Variants in TRPM3 observed in about 807,000 individuals in gnomAD.
TRPM3 encodes long transient receptor potential channel 3.
A neutral mutation model predicts 181.2 loss-of-function variants in TRPM3; 77 were observed. The ratio of observed to expected loss-of-function variants is 0.42; its 90% CI spans 0.35 to 0.51. TRPM3 has a LOEUF of 0.51. TRPM3 is among the 20% of genes least tolerant of loss of function. TRPM3 has a pLI of 0.01. For synonymous variants in TRPM3, 745 were observed against 796.4 expected (o/e 0.94, Z 1.09); for missense variants, 1,759 against 2,196.7 (o/e 0.80, Z 3.98).
intron 9 of TRPM3, among the ~76,000 whole-genome samples, chr9:70,669,737 T>C (rs1243422896): frequency 7.1e-6 from 1 of 141,718 alleles, no homozygotes; most frequent in Non-Finnish European, 1.5e-5. Context: ...TTTCTTTCTT[T>C]CTTTCTTTTC....
intron 1 of TRPM3, among the ~76,000 whole-genome samples, chr9:71,288,294 G>T (rs2085473015): frequency 6.6e-6 from 1 of 151,758 alleles, no homozygotes; most frequent in African/African-American, 2.4e-5. Flanking sequence ...TACGATAAAC[G>T]CTATTTTCTG....
chr9:70,535,273 C>T lies in TRPM3; in HGVS notation c.*680G>A, dbSNP rs1165602355. Reference sequence around the variant, plus strand: ...AAAGGCATTTCTGTTCCCTTATTTTCTTCAAAAAAGGATAAACAGTTGTGG... The same window carrying T: ...AAAGGCATTTCTGTTCCCTTATTTTTTTCAAAAAAGGATAAACAGTTGTGG... On this transcript the variant is annotated 3_prime_UTR_variant, in exon 26 of 26. Coordinates refer to ENST00000677713, the MANE Select transcript of TRPM3 (RefSeq NM_001366145.2). The T allele has an allele frequency of 1.2e-6, 1 of 801,714 alleles. No homozygotes were observed. Among genetic ancestry groups the T allele is most frequent in the Non-Finnish European group, 1.9e-6 (1 of 521,782 alleles). 49.7% of individuals were successfully genotyped at this position (801,714 alleles called of 1,614,324 possible). A position where few individuals can be genotyped will look rare whatever the true frequency, so the allele number is the denominator to read the frequency against.
intron 1 of TRPM3, among the ~76,000 whole-genome samples, chr9:71,311,468 G>T (rs1460615033): frequency 6.6e-6 from 1 of 152,120 alleles, no homozygotes; most frequent in African/African-American, 2.4e-5. Flanking sequence ...CATCAATATA[G>T]TCAGCTGATC....
chr9:71,010,975 G>T (rs2097732294), intron 1 of TRPM3, among the ~76,000 whole-genome samples: 1 of 150,458 alleles, frequency 6.6e-6, no homozygotes, highest in East Asian at 1.9e-4. Context: ...ATAGTATTCA[G>T]CCATAAAACA....
At chr9:71,043,375 AG>A (rs2059050189) in intron 1 of TRPM3, among the ~76,000 whole-genome samples, 1 of 152,180 alleles carries the variant, frequency 6.6e-6, no homozygotes, top group Non-Finnish European at 1.5e-5. Context: ...GCTATATTTA[AG>A]AAGTCTCAGC....
chr9:70,858,032 GTAATAATGATTATGATTCTCTT>G (rs2095430810), intron 3 of TRPM3, among the ~76,000 whole-genome samples: 1 of 152,124 alleles, frequency 6.6e-6, no homozygotes, highest in Admixed American at 6.5e-5. Context: ...CTGCAACATT[GTAATAATGATTATGATTCTCTT>G]TTTCTCCAAC....
intron 1 of TRPM3, among the ~76,000 whole-genome samples, chr9:70,985,896 G>A (rs543962464): frequency 6.6e-6 from 1 of 152,300 alleles, no homozygotes; most frequent in South Asian, 2.1e-4. Context: ...AGGATGGAGG[G>A]AGAATATTTA....
intron 3 of TRPM3, among the ~76,000 whole-genome samples, chr9:70,854,060 C>T (rs2095318228): frequency 6.6e-6 from 1 of 152,204 alleles, no homozygotes; most frequent in African/African-American, 2.4e-5. Flanking sequence ...GCTCCACGCT[C>T]ATAAATGGAC....
intron 1 of TRPM3, among the ~76,000 whole-genome samples, chr9:71,120,217 A>G (rs1214342416): frequency 6.6e-6 from 1 of 152,340 alleles, no homozygotes; most frequent in African/African-American, 2.4e-5. Context: ...TCAAAAGAGC[A>G]TACATACTCA....
intron 22 of TRPM3, among the ~76,000 whole-genome samples, chr9:70,563,849 A>C (rs1292507777): frequency 6.6e-6 from 1 of 152,008 alleles, no homozygotes; most frequent in Non-Finnish European, 1.5e-5. Flanking sequence ...TTACAAAACC[A>C]CTTCTGGTTT....
At chr9:70,957,885 AAAAC>A (rs544753950) in intron 1 of TRPM3, among the ~76,000 whole-genome samples, 3 of 152,200 alleles carry the variant, frequency 2.0e-5, no homozygotes, top group Non-Finnish European at 2.9e-5. Flanking sequence ...GATGTTATGT[AAAAC>A]AAACAAACAA....
chr9:70,648,910 G>A (rs113112658), intron 9 of TRPM3, among the ~76,000 whole-genome samples: 8 of 152,126 alleles, frequency 5.3e-5, no homozygotes, highest in Middle Eastern at 3.4e-3. Context: ...AACCTAGGAC[G>A]TATAATTCTG....
chr9:71,199,174 T>C (rs1188590250), intron 1 of TRPM3, among the ~76,000 whole-genome samples: 11 of 151,520 alleles, frequency 7.3e-5, no homozygotes, highest in Admixed American at 5.9e-4. Flanking sequence ...CTGGATTACA[T>C]TTATTGATTT....
At chr9:71,255,198 T>TA (rs1346724432) in intron 1 of TRPM3, among the ~76,000 whole-genome samples, 1 of 152,220 alleles carries the variant, frequency 6.6e-6, no homozygotes, top group Non-Finnish European at 1.5e-5. Flanking sequence ...CCAAACTCTC[T>TA]AAACCATCTA....
chr9:71,201,408 T>G (rs2078785336), intron 1 of TRPM3, among the ~76,000 whole-genome samples: 1 of 152,204 alleles, frequency 6.6e-6, no homozygotes. Context: ...TTCCTGAATC[T>G]GAATGTTGGC....
In TRPM3 at chr9:70,534,785, A is replaced by G. The variant is rs2041382708; in HGVS notation, c.*1168T>C. On this transcript the variant is annotated 3_prime_UTR_variant, in exon 26 of 26. Transcript: ENST00000677713. ...CCAGCCCTTGAAAAACTCCAATTAA[A>G]TTTATGCTGAGCTCAGATTAGATGG... is the stretch of plus-strand genomic sequence containing the variant. 1 of 152,230 alleles carries G rather than the reference A, an allele frequency of 6.6e-6. No homozygotes were observed. The highest frequency in any genetic ancestry group is 1.5e-5 in the Non-Finnish European group (1 of 68,052). The allele number at this position is 152,230 out of a possible 1,614,324, so 9.4% of individuals were successfully genotyped here.
chr9:70,853,396 C>G (rs1329254991), intron 3 of TRPM3, among the ~76,000 whole-genome samples: 1 of 152,164 alleles, frequency 6.6e-6, no homozygotes, highest in Non-Finnish European at 1.5e-5. Flanking sequence ...GGGCTTGGGC[C>G]TCTGCATTTC....
At chr9:70,656,067 C>A (rs926925122) in intron 9 of TRPM3, among the ~76,000 whole-genome samples, 1 of 152,090 alleles carries the variant, frequency 6.6e-6, no homozygotes, top group African/African-American at 2.4e-5. Flanking sequence ...GTCAAGTTTA[C>A]GTAACTTAAG....
At chr9:71,243,784 G>A (rs1303417217) in intron 1 of TRPM3, among the ~76,000 whole-genome samples, 2 of 152,202 alleles carry the variant, frequency 1.3e-5, no homozygotes, top group Non-Finnish European at 2.9e-5. Context: ...GCAGGGGCTA[G>A]GGAAGATGCA....
Sources: allele counts gnomAD v4.1 joint callset (sites outside exome capture counted in the v4.1 genomes callset), GRCh38; gene constraint gnomAD v4.1.1; transcripts MANE v1.5; gene names NCBI Gene and HGNC (gene_info 2026-07-23, HGNC 2026-07-21).